The following SNX18 variants were observed in gnomAD, a reference collection of about 807,000 sequenced individuals.
The protein encoded by SNX18 is sorting nexin 18.
SNX18 carries 35 observed loss-of-function variants against 48.7 expected under a neutral mutation model. The observed-to-expected ratio is 0.72, with a 90% CI of 0.55 to 0.95. The LOEUF is 0.95. Among genes scored for constraint, SNX18 ranks in the 40% least tolerant of loss-of-function variants. SNX18 has a pLI of 0.00. For missense variants in SNX18, 824 were observed against 871.0 expected (o/e 0.95, Z 0.68); for synonymous variants, 492 against 384.7 (o/e 1.28, Z -3.26).
chr5:54,579,572 G>T, the SNX18 span, among the ~76,000 whole-genome samples: 3 of 152,184 alleles, frequency 2.0e-5, no homozygotes, highest in Non-Finnish European at 4.4e-5. Context: ...TGCAGTTGGA[G>T]AGAAGCTAGA....
the SNX18 span, among the ~76,000 whole-genome samples, chr5:54,602,958 C>T: frequency 2.0e-5 from 3 of 152,090 alleles, no homozygotes; most frequent in Middle Eastern, 3.4e-3. Flanking sequence ...TGGTGTGTAT[C>T]GAGCCCTCTC....
the SNX18 span, among the ~76,000 whole-genome samples, chr5:54,577,830 G>A: frequency 6.6e-6 from 1 of 152,206 alleles, no homozygotes; most frequent in Non-Finnish European, 1.5e-5. Flanking sequence ...TGTGTGTGCA[G>A]AAATGGAGGA....
chr5:54,609,325 A>G, the SNX18 span, among the ~76,000 whole-genome samples: 1 of 152,122 alleles, frequency 6.6e-6, no homozygotes, highest in African/African-American at 2.4e-5. Context: ...GTACTGCCAC[A>G]TTCTTGGTTA....
rs1294164202 is a variant in SNX18 at position 54,517,900 on chromosome 5, G to A, written c.-53G>A. ...AGCAGTACCGCGGGCCCCTCAGGTG[G>A]GCCTCGGCTCGGGACGCCGGGAGTC... On this transcript the variant is annotated 5_prime_UTR_variant, in exon 1 of 2. Coordinates refer to ENST00000381410, the MANE Select transcript of SNX18 (RefSeq NM_001102575.2). 6.9e-7 allele frequency: 1 copy of A among 1,452,346 alleles called. No individual in the cohort carries two copies. The highest frequency in any genetic ancestry group is 9.0e-7 in the Non-Finnish European group (1 of 1,109,922). The allele number at this position is 1,452,346 out of a possible 1,614,324, so 90.0% of individuals were successfully genotyped here.
the SNX18 span, among the ~76,000 whole-genome samples, chr5:54,617,935 G>A: frequency 1.3e-5 from 2 of 152,094 alleles, no homozygotes; most frequent in Admixed American, 6.5e-5. Flanking sequence ...GAAGAGGTAA[G>A]GTCTAAATTG....
At chr5:54,576,824 CAG>C in the SNX18 span, among the ~76,000 whole-genome samples, 6 of 152,164 alleles carry the variant, frequency 3.9e-5, 1 homozygote, top group Middle Eastern at 0.014. Flanking sequence ...TCTTTTGGAA[CAG>C]AGTCTCACTC....
the SNX18 span, among the ~76,000 whole-genome samples, chr5:54,561,520 T>G: frequency 6.6e-6 from 1 of 150,656 alleles, no homozygotes; most frequent in Non-Finnish European, 1.5e-5. Context: ...TTTTTTTTTT[T>G]GTAGAGACAG....
rs1041609334 is a variant in SNX18, at chr5:54,519,381, G to T, written c.1429G>T (p.Ala477Ser). The T allele has an allele frequency of 5.0e-6, 8 of 1,613,326 alleles. No homozygotes were observed. Among genetic ancestry groups the T allele is most frequent in the Non-Finnish European group, 6.8e-6 (8 of 1,179,626 alleles). ...CCAGTCCTTCCGCGGCCTCAGCCAG[G>T]CCTTTGAGCTGGACCAGCAGGCCTT... ...VGQSFRGLSQAFELDQQAFSV... is the reference protein window; with the variant it reads ...VGQSFRGLSQSFELDQQAFSV... Residue 477 changes from alanine to serine, a missense_variant, in exon 1 of 2, where the codon GCC becomes TCC. Physicochemically the swap from Ala to Ser is moderately conservative, Grantham distance 99. Transcript: ENST00000381410.
At chr5:54,615,957 A>G in the SNX18 span, among the ~76,000 whole-genome samples, 1,686 of 152,312 alleles carry the variant, frequency 0.011, 32 homozygotes, top group African/African-American at 0.039. Flanking sequence ...CATGAATAAA[A>G]TATCCAGCAC....
the SNX18 span, chr5:54,644,505 T>C: frequency 6.6e-6 from 1 of 152,208 alleles, no homozygotes; most frequent in Non-Finnish European, 1.5e-5. Flanking sequence ...TCATTCCCCC[T>C]CTTCCTAAGA....
intron 1 of SNX18, among the ~76,000 whole-genome samples, chr5:54,540,573 AAC>A (rs138376068): frequency 0.21 from 31,884 of 152,160 alleles, 4,327 homozygotes; most frequent in Non-Finnish European, 0.3. Flanking sequence ...AATTCTATAT[AAC>A]ACAGTGCAGT....
At chr5:54,627,673 G>C in the SNX18 span, among the ~76,000 whole-genome samples, 12 of 152,170 alleles carry the variant, frequency 7.9e-5, no homozygotes, top group South Asian at 4.1e-4. Context: ...GGGAGCACGT[G>C]GGGGGACCAG....
chr5:54,541,990 C>T (rs1762480359), intron 1 of SNX18, among the ~76,000 whole-genome samples: 1 of 152,136 alleles, frequency 6.6e-6, no homozygotes, highest in South Asian at 2.1e-4. Flanking sequence ...TTCCTGGTTC[C>T]CTCCTCAGTA....
At chr5:54,567,867 C>T in the SNX18 span, among the ~76,000 whole-genome samples, 2 of 152,162 alleles carry the variant, frequency 1.3e-5, no homozygotes, top group Admixed American at 1.3e-4. Context: ...CCTTCAGAGC[C>T]CACTGGTGCT....
At chr5:54,636,281 T>C in the SNX18 span, among the ~76,000 whole-genome samples, 9 of 152,152 alleles carry the variant, frequency 5.9e-5, no homozygotes, top group Admixed American at 1.3e-4. Context: ...TCTACTGATA[T>C]CACTTTTTCA....
chr5:54,610,115 C>A, the SNX18 span, among the ~76,000 whole-genome samples: 1 of 152,126 alleles, frequency 6.6e-6, no homozygotes, highest in African/African-American at 2.4e-5. Context: ...TCCTGTATAA[C>A]CTGCAGAACC....
intron 1 of SNX18, chr5:54,520,979 C>T (rs1762020408): frequency 6.0e-6 from 1 of 166,746 alleles, no homozygotes; most frequent in Non-Finnish European, 1.5e-5. Context: ...TTGCTGTTGG[C>T]CTGTATTAAA....
the SNX18 span, among the ~76,000 whole-genome samples, chr5:54,560,288 A>G: frequency 1.3e-5 from 2 of 152,252 alleles, no homozygotes; most frequent in African/African-American, 2.4e-5. Context: ...GTAGAATACT[A>G]TGCAGCCATA....
At chr5:54,584,376 C>A in the SNX18 span, among the ~76,000 whole-genome samples, 1 of 151,978 alleles carries the variant, frequency 6.6e-6, no homozygotes, top group African/African-American at 2.4e-5. Context: ...AATAGAACTT[C>A]CCATGGCTGC....
Sources: allele counts gnomAD v4.1 joint callset (sites outside exome capture counted in the v4.1 genomes callset), GRCh38; gene constraint gnomAD v4.1.1; transcripts MANE v1.5; gene names NCBI Gene and HGNC (gene_info 2026-07-23, HGNC 2026-07-21).